Variants in COL21A1 observed in about 807,000 individuals in gnomAD.
COL21A1 encodes collagen type XXI alpha 1 chain.
Under a neutral mutation model 137.9 loss-of-function variants are expected in COL21A1, and 149 were observed. That is an observed-to-expected ratio of 1.08 (90% CI 0.95 to 1.24). The LOEUF is 1.24. COL21A1 is among the 50% of genes most tolerant of loss of function. The pLI, the probability that COL21A1 is intolerant of heterozygous loss-of-function variation, is 0.00. For synonymous variants in COL21A1, 456 were observed against 391.5 expected, an observed-to-expected ratio of 1.16 and a Z score of -1.95; for missense variants, 1,167 against 1,158.4, an observed-to-expected ratio of 1.01 and a Z score of -0.11.
rs79109349 is a variant in COL21A1 at position 56,387,244 on chromosome 6, G to A, written c.-39+6727C>T. ...AAACCATGTTAGCCTCTAAATATTC[G>A]TCACCCTGTTTTACATAACATTCCA... On this transcript the variant is annotated intron_variant, in intron 1 of 28. Coordinates refer to the COL21A1 transcript ENST00000370819. Among the ~76,000 whole-genome samples the A allele has an allele frequency of 9.1e-3, 1,391 of 152,092 alleles. 30 individuals carry two copies. The highest frequency in any genetic ancestry group is 0.032 in the African/African-American group (1,345 of 41,468).
intron 1 of COL21A1, among the ~76,000 whole-genome samples, chr6:56,349,797 A>T (rs1324839218): frequency 1.3e-5 from 2 of 152,194 alleles, no homozygotes; most frequent in East Asian, 3.9e-4. Flanking sequence ...TTTGTTGTCA[A>T]AAGAAAGCAA....
At chr6:56,206,222 C>T (rs575262514) in intron 1 of COL21A1, among the ~76,000 whole-genome samples, 2 of 151,568 alleles carry the variant, frequency 1.3e-5, no homozygotes, top group Non-Finnish European at 2.9e-5. Flanking sequence ...CATCAGTGTG[C>T]TGTATCCAGG....
intron 10 of COL21A1, among the ~76,000 whole-genome samples, chr6:56,142,962 C>G (rs1774531437): frequency 6.6e-6 from 1 of 152,148 alleles, no homozygotes; most frequent in African/African-American, 2.4e-5. Context: ...TCTTCATATT[C>G]ATCCACTCAT....
chr6:56,163,140 G>A lies in COL21A1; in HGVS notation c.1371+1283C>T, dbSNP rs113291893. ...GACCAGCAGAAAATTCAGAAAATTCGCTAATCAGAAAATTCAGTCTAAATG... is the reference window on the plus strand; with the variant it reads ...GACCAGCAGAAAATTCAGAAAATTCACTAATCAGAAAATTCAGTCTAAATG... On this transcript the variant is annotated intron_variant, in intron 9 of 29. Transcript: ENST00000244728. Among the ~76,000 whole-genome samples, 887 of 152,122 alleles carry A rather than the reference G, an allele frequency of 5.8e-3. 6 individuals are homozygous for A. The highest frequency in any genetic ancestry group is 8.2e-3 in the Non-Finnish European group (560 of 67,992).
At chr6:56,091,320 T>G (rs978061629) in intron 17 of COL21A1, among the ~76,000 whole-genome samples, 1 of 152,030 alleles carries the variant, frequency 6.6e-6, no homozygotes, top group African/African-American at 2.4e-5. Flanking sequence ...AAGCATAACA[T>G]GTGGTTAAGC....
intron 1 of COL21A1, among the ~76,000 whole-genome samples, chr6:56,298,350 G>C (rs933186123): frequency 6.6e-6 from 1 of 152,070 alleles, no homozygotes; most frequent in Non-Finnish European, 1.5e-5. Flanking sequence ...GTGGTGTCGT[G>C]TATCATTCTC....
At chr6:56,158,071 G>T (rs1435745207) in intron 9 of COL21A1, among the ~76,000 whole-genome samples, 2 of 151,996 alleles carry the variant, frequency 1.3e-5, no homozygotes, top group Non-Finnish European at 2.9e-5. Context: ...TTTTTGTGAG[G>T]TGAGGGTGTT....
chr6:56,276,904 T>G, intron 1 of COL21A1: 128 of 405,996 alleles, frequency 3.2e-4, no homozygotes, highest in East Asian at 5.3e-4. Context: ...GCCTCCCGGG[T>G]TCACGCCATT....
At position 56,310,458 on chromosome 6, in the gene COL21A1, T is replaced by C. The variant is rs549091641; in HGVS notation, c.-39+83513A>G. ...TTTAGCACTCCCCAGATGATGCTAA[T>C]ATCCAAGATTGAGAACCACTGTCTT... is the stretch of plus-strand genomic sequence containing the variant. On this transcript the variant is annotated intron_variant, in intron 1 of 28. Coordinates refer to the COL21A1 transcript ENST00000370819. Among the ~76,000 whole-genome samples, 41 of 152,296 alleles carry C rather than the reference T, an allele frequency of 2.7e-4. No homozygotes were observed. The South Asian group carries it at 5.2e-3, about 19-fold the overall frequency.
At chr6:56,180,798 T>G (rs1777834511) in intron 2 of COL21A1, among the ~76,000 whole-genome samples, 1 of 152,210 alleles carries the variant, frequency 6.6e-6, no homozygotes, top group Admixed American at 6.5e-5. Flanking sequence ...TATTGCTGCT[T>G]TAAGAACAGA....
At chr6:56,127,850 G>T (rs1229556884) in intron 12 of COL21A1, among the ~76,000 whole-genome samples, 2 of 152,142 alleles carry the variant, frequency 1.3e-5, no homozygotes, top group African/African-American at 4.8e-5. Context: ...CCAGTGTCTT[G>T]AAGTATTATG....
chr6:56,253,983 A>G (rs1782915312), intron 1 of COL21A1, among the ~76,000 whole-genome samples: 1 of 152,206 alleles, frequency 6.6e-6, no homozygotes, highest in African/African-American at 2.4e-5. Context: ...AAAAATCACA[A>G]ATATACACTG....
chr6:56,167,925 T>C (rs1435187266), intron 6 of COL21A1, among the ~76,000 whole-genome samples, 199 bp downstream of exon 6: 2 of 152,202 alleles, frequency 1.3e-5, no homozygotes, highest in Non-Finnish European at 1.5e-5. Context: ...AATATTCTTA[T>C]GAAATAGATT....
At chr6:56,135,781 T>C (rs1773953186) in intron 12 of COL21A1, among the ~76,000 whole-genome samples, 1 of 152,214 alleles carries the variant, frequency 6.6e-6, no homozygotes, top group African/African-American at 2.4e-5. Flanking sequence ...ACCTTTTCTT[T>C]ATATTTTCTT....
chr6:56,372,243 T>C (rs1293496608), intron 1 of COL21A1, among the ~76,000 whole-genome samples: 2 of 152,220 alleles, frequency 1.3e-5, no homozygotes, highest in Non-Finnish European at 2.9e-5. Context: ...CAACTGGACA[T>C]AGAGCATGGA....
At chr6:56,322,407 T>C (rs1764890399) in intron 1 of COL21A1, among the ~76,000 whole-genome samples, 1 of 152,094 alleles carries the variant, frequency 6.6e-6, no homozygotes. Flanking sequence ...AACAACTTTT[T>C]GCAGGGAAAA....
At chr6:56,215,307 GC>G (rs754546519) in intron 1 of COL21A1, among the ~76,000 whole-genome samples, 3 of 151,930 alleles carry the variant, frequency 2.0e-5, no homozygotes, top group Non-Finnish European at 4.4e-5. Context: ...CCAAATATCT[GC>G]TTTTCAAAGA....
upstream of COL21A1, among the ~76,000 whole-genome samples, chr6:56,250,047 T>G (rs995928881): frequency 2.6e-5 from 4 of 152,238 alleles, no homozygotes; most frequent in African/African-American, 9.6e-5. Flanking sequence ...AGAACTATTC[T>G]TGTCCTAAGT....
intron 27 of COL21A1, 142 bp downstream of exon 27, chr6:56,060,599 C>A: frequency 1.8e-6 from 1 of 549,314 alleles, no homozygotes; most frequent in Non-Finnish European, 3.1e-6. Flanking sequence ...TAAAAATACT[C>A]ATTGAAGAAA....
Sources: allele counts gnomAD v4.1 joint callset (sites outside exome capture counted in the v4.1 genomes callset), GRCh38; gene constraint gnomAD v4.1.1; transcripts MANE v1.5; gene names NCBI Gene and HGNC (gene_info 2026-07-23, HGNC 2026-07-21).